Variants in STYXL2 observed in about 807,000 individuals in gnomAD.
STYXL2 encodes serine/threonine/tyrosine interacting like 2.
STYXL2 carries 44 observed loss-of-function variants against 52.4 expected under a neutral mutation model. The ratio of observed to expected loss-of-function variants is 0.84; its 90% CI spans 0.66 to 1.08. STYXL2 has a LOEUF of 1.08. Ranked by LOEUF, STYXL2 falls within the 50% of genes least tolerant of loss-of-function variation. The pLI is 0.00. For missense variants in STYXL2, 1,604 were observed against 1,471.7 expected (o/e 1.09, Z -1.47); for synonymous variants, 604 against 586.9 (o/e 1.03, Z -0.42).
chr1:167,101,358 A>C (rs1031446562), intron 2 of STYXL2, among the ~76,000 whole-genome samples: 1 of 152,212 alleles, frequency 6.6e-6, no homozygotes, highest in Non-Finnish European at 1.5e-5. Context: ...AGTACTTGGG[A>C]CAATCTTATA....
chr1:167,116,811 T>C (rs1292396495), intron 3 of STYXL2, among the ~76,000 whole-genome samples: 1 of 152,026 alleles, frequency 6.6e-6, no homozygotes, highest in Non-Finnish European at 1.5e-5. Context: ...TCCACCACGC[T>C]TGGCTAATTT....
chr1:167,120,185 A>G lies in STYXL2; in HGVS notation c.655+719A>G, dbSNP rs186112306. Among the ~76,000 whole-genome samples the G allele has an allele frequency of 1.8e-3, 275 of 152,334 alleles. 2 individuals are homozygous for G. The highest frequency in any genetic ancestry group is 6.4e-3 in the African/African-American group (266 of 41,580). On this transcript the variant is annotated intron_variant, in intron 5 of 5. Transcript: ENST00000361200. ...AGTGCTTTGGGGTTGCTATTGCTAT[A>G]TCCAAGTGAAAGGTGACATGAGACT...
Position 167,117,520 on chromosome 1 carries a change from A to C in STYXL2, c.398A>C (p.Glu133Ala). ...VQDRQEAPWN[E>A]VDEVWPNVFI... ...GATCGCCAAGAGGCGCCCTGGAATG[A>C]GGTGGATGAGGTCTGGCCCAATGTC... The change falls in exon 4 of 6, where the codon GAG becomes GCG. Residue 133 changes from glutamate to alanine, a missense_variant. Transcript: ENST00000361200. 1 of 1,608,696 alleles carries C rather than the reference A, an allele frequency of 6.2e-7. No individual in the cohort carries two copies. The highest frequency in any genetic ancestry group is 1.1e-5 in the South Asian group (1 of 89,610).
At position 167,113,767 on chromosome 1, in the gene STYXL2, C is replaced by T. The variant is rs750630873; in HGVS notation, c.168C>T (p.Leu56=). 4.3e-6 allele frequency: 7 copies of T among 1,614,142 alleles called. No individual in the cohort carries two copies. Among genetic ancestry groups the T allele is most frequent in the African/African-American group, 1.3e-5 (1 of 75,056 alleles). The change falls in exon 3 of 6, where the codon CTC becomes CTT. Residue 56 remains leucine (L), a synonymous_variant. Transcript: ENST00000361200. The stretch of plus-strand genomic sequence containing the variant: ...GCATTTTCATGGAACCCATTCACCT[C>T]TCCTCAGCCATTGCAGCCAAACAGA... ...TESIFMEPIH[L]SSAIAAKQII...
At chr1:167,121,129 C>T (rs1001223050) in intron 5 of STYXL2, among the ~76,000 whole-genome samples, 1 of 151,594 alleles carries the variant, frequency 6.6e-6, no homozygotes, top group Admixed American at 6.6e-5. Flanking sequence ...TCTTCTGCCT[C>T]AGCGTCCCGA....
intron 3 of STYXL2, among the ~76,000 whole-genome samples, chr1:167,114,039 T>G (rs1190350284): frequency 6.6e-6 from 1 of 152,074 alleles, no homozygotes; most frequent in Non-Finnish European, 1.5e-5. Context: ...CACCAATCTG[T>G]CCCTAGGGCC....
chr1:167,109,755 A>T (rs567706559), intron 2 of STYXL2, among the ~76,000 whole-genome samples: 1 of 152,272 alleles, frequency 6.6e-6, no homozygotes, highest in East Asian at 1.9e-4. Context: ...TCCTGGCTGG[A>T]GGTCAACCAG....
chr1:167,101,807 G>A (rs2312490), intron 2 of STYXL2, among the ~76,000 whole-genome samples: 42,259 of 142,252 alleles, frequency 0.3, 6,325 homozygotes, highest in African/African-American at 0.32. Context: ...TCTCAAAAAA[G>A]AAAAAAAAAA....
intron 2 of STYXL2, among the ~76,000 whole-genome samples, chr1:167,103,295 A>T (rs1667439892): frequency 6.6e-6 from 1 of 152,110 alleles, no homozygotes; most frequent in Admixed American, 6.6e-5. Flanking sequence ...GTTTTGGAAG[A>T]CATACCATTT....
In STYXL2 at chr1:167,106,428, G is replaced by A. The variant is rs1327864; in HGVS notation, c.111-7282G>A. Among the ~76,000 whole-genome samples the A allele has an allele frequency of 5.3e-5, 8 of 152,104 alleles. No individual in the cohort carries two copies. The East Asian group carries it at 1.5e-3, about 29-fold the overall frequency. On this transcript the variant is annotated intron_variant, in intron 2 of 5. Transcript: ENST00000361200. ...AATGTGGTGCTGTGCAAGGAAGAAG[G>A]CCTTGTAATCCCTACAGTAATACAA... is the stretch of plus-strand genomic sequence containing the variant.
At chr1:167,120,819 G>T (rs1002852509) in intron 5 of STYXL2, among the ~76,000 whole-genome samples, 3 of 112,178 alleles carry the variant, frequency 2.7e-5, no homozygotes, top group African/African-American at 1.0e-4. Flanking sequence ...GTATGTGTGC[G>T]TGTAAATTAC....
intron 2 of STYXL2, among the ~76,000 whole-genome samples, chr1:167,112,693 C>G (rs769261250): frequency 6.6e-6 from 1 of 152,154 alleles, no homozygotes; most frequent in Non-Finnish European, 1.5e-5. Context: ...TCAACTTAGC[C>G]CTGCCATTTA....
At chr1:167,121,196 A>G (rs1457424232) in intron 5 of STYXL2, among the ~76,000 whole-genome samples, 1 of 151,884 alleles carries the variant, frequency 6.6e-6, no homozygotes, top group Admixed American at 6.6e-5. Flanking sequence ...TATTTTTAGT[A>G]GAGAGGGGAT....
At chr1:167,105,310 T>A (rs1667488038) in intron 2 of STYXL2, among the ~76,000 whole-genome samples, 1 of 152,222 alleles carries the variant, frequency 6.6e-6, no homozygotes, top group South Asian at 2.1e-4. Flanking sequence ...CGGCTTTTGG[T>A]TAGGAAGTCC....
Position 167,127,807 on chromosome 1 carries a change from C to T in STYXL2, c.2676C>T (p.Ala892=). ...ATGGGGATGAGGACACTGACAGTGC[C>T]ATAGGGAGCTTCCGATATTCTTCCC... The part of the protein sequence containing the change: ...VGDGDEDTDS[A]IGSFRYSSRS... Residue 892 remains alanine, a synonymous_variant, in exon 6 of 6, where the codon GCC becomes GCT. Transcript: ENST00000361200. The T allele has an allele frequency of 6.2e-7, 1 of 1,613,754 alleles. No homozygotes were observed. Among genetic ancestry groups the T allele is most frequent in the Non-Finnish European group, 8.5e-7 (1 of 1,179,992 alleles).
chr1:167,103,754 G>A (rs1667449260), intron 2 of STYXL2, among the ~76,000 whole-genome samples: 1 of 152,172 alleles, frequency 6.6e-6, no homozygotes, highest in Non-Finnish European at 1.5e-5. Flanking sequence ...CAGTGGGGGA[G>A]CTTGGTGGGG....
chr1:167,124,778 A>G lies in STYXL2; in HGVS notation c.656-1009A>G, dbSNP rs370162287. Among the ~76,000 whole-genome samples the G allele has an allele frequency of 3.9e-5, 6 of 152,328 alleles. No individual in the cohort carries two copies. The East Asian group carries it at 1.2e-3, about 29-fold the overall frequency. On this transcript the variant is annotated intron_variant, in intron 5 of 5. Transcript: ENST00000361200. Reference sequence around the variant, plus strand: ...TTACAGGTTTCAGTTGACGGATGTAAAAGATAACTTGAGTTCATTGTGTGA... The same window carrying G: ...TTACAGGTTTCAGTTGACGGATGTAGAAGATAACTTGAGTTCATTGTGTGA...
In STYXL2 at chr1:167,125,986, C is replaced by G; in HGVS notation, c.855C>G (p.Asp285Glu). Residue 285 changes from aspartate (D) to glutamate (E), a missense_variant, in exon 6 of 6, where the codon GAC (aspartate) becomes GAG (glutamate). Asp to Glu is a conservative substitution (Grantham distance 45). Transcript: ENST00000361200. ...NEKLMEEREE[D>E]YGREGGSAEA... is the part of the protein sequence containing the mutation. ...AGTTGATGGAGGAGAGAGAAGAGGA[C>G]TATGGCCGGGAGGGGGGATCAGCTG... The G allele has an allele frequency of 1.9e-6, 3 of 1,612,250 alleles. No homozygotes were observed. Among genetic ancestry groups the G allele is most frequent in the Non-Finnish European group, 2.5e-6 (3 of 1,179,192 alleles).
chr1:167,113,028 G>C (rs1466135286), intron 2 of STYXL2, among the ~76,000 whole-genome samples: 1 of 152,146 alleles, frequency 6.6e-6, no homozygotes, highest in Admixed American at 6.5e-5. Context: ...GATTCTCCAT[G>C]TTCCTAAAGG....
Sources: gnomAD v4.1 joint callset for allele counts (sites outside exome capture counted in the v4.1 genomes callset) on GRCh38, gnomAD v4.1.1 for gene constraint, MANE v1.5 for transcripts, NCBI Gene and HGNC (gene_info 2026-07-23, HGNC 2026-07-21) for gene names.